The following MPPED2 variants were observed in gnomAD, a reference collection of about 807,000 sequenced individuals.
The protein encoded by MPPED2 is metallophosphoesterase domain containing 2, also known as metallophosphoesterase MPPED2.
Under a neutral mutation model 33.0 loss-of-function variants are expected in MPPED2, and 5 were observed. That is an observed-to-expected ratio of 0.15 (90% CI 0.08 to 0.32). The LOEUF is 0.32. MPPED2 is among the 10% of genes least tolerant of loss of function. MPPED2 has a pLI of 1.00. For missense variants in MPPED2, 275 were observed against 372.1 expected, an observed-to-expected ratio of 0.74 and a Z score of 2.15; for synonymous variants, 136 against 141.9, an observed-to-expected ratio of 0.96 and a Z score of 0.29.
At chr11:30,583,806 G>T (rs950283217) in intron 1 of MPPED2, among the ~76,000 whole-genome samples, 13 of 152,106 alleles carry the variant, frequency 8.5e-5, no homozygotes, top group African/African-American at 3.1e-4. Context: ...AAGAGCCCGC[G>T]GTTTTCTCGT....
chr11:30,438,117 G>A (rs1949403552), intron 4 of MPPED2, among the ~76,000 whole-genome samples: 1 of 152,160 alleles, frequency 6.6e-6, no homozygotes, highest in Admixed American at 6.5e-5. Context: ...ATAAGCGCTA[G>A]GTGTTTATTA....
At chr11:30,411,988 C>A (rs1306639318) in intron 6 of MPPED2, among the ~76,000 whole-genome samples, 3 of 151,604 alleles carry the variant, frequency 2.0e-5, no homozygotes, top group Non-Finnish European at 4.4e-5. Flanking sequence ...GCAAACACAA[C>A]TAAATTCCAA....
At chr11:30,526,599 T>G (rs2134413891) in intron 3 of MPPED2, among the ~76,000 whole-genome samples, 1 of 152,200 alleles carries the variant, frequency 6.6e-6, no homozygotes. Context: ...TAGGAAGAGT[T>G]AATCTTATCT....
chr11:30,543,683 A>G (rs1014013380), intron 2 of MPPED2, among the ~76,000 whole-genome samples: 1 of 152,186 alleles, frequency 6.6e-6, no homozygotes, highest in Admixed American at 6.6e-5. Flanking sequence ...GAGCTTCTAG[A>G]TATATCTATT....
intron 4 of MPPED2, among the ~76,000 whole-genome samples, chr11:30,480,346 T>G (rs530784712): frequency 6.6e-6 from 1 of 152,224 alleles, no homozygotes; most frequent in East Asian, 1.9e-4. Context: ...TTTTCTTTCT[T>G]TTTTTTAAAT....
At chr11:30,539,670 G>A (rs1954996612) in intron 2 of MPPED2, among the ~76,000 whole-genome samples, 1 of 152,112 alleles carries the variant, frequency 6.6e-6, no homozygotes, top group Non-Finnish European at 1.5e-5. Flanking sequence ...ACCCAGGCTG[G>A]AGTGCAGTGG....
At chr11:30,472,456 C>T (rs1347684638) in intron 4 of MPPED2, among the ~76,000 whole-genome samples, 1 of 152,178 alleles carries the variant, frequency 6.6e-6, no homozygotes, top group Non-Finnish European at 1.5e-5. Context: ...CAGAGATTTT[C>T]AACCTGATGC....
intron 4 of MPPED2, among the ~76,000 whole-genome samples, chr11:30,432,752 A>G (rs952422261): frequency 6.6e-6 from 1 of 152,220 alleles, no homozygotes; most frequent in African/African-American, 2.4e-5. Context: ...TTTCTAGGTT[A>G]TCTGCTCACA....
intron 2 of MPPED2, among the ~76,000 whole-genome samples, chr11:30,558,646 T>A (rs1365379551): frequency 6.6e-6 from 1 of 151,866 alleles, no homozygotes. Flanking sequence ...AGTCTCAAAC[T>A]GCTGGCCTCA....
At chr11:30,543,268 GA>G (rs1473259252) in intron 2 of MPPED2, among the ~76,000 whole-genome samples, 2 of 152,194 alleles carry the variant, frequency 1.3e-5, no homozygotes, top group African/African-American at 4.8e-5. Context: ...TCTTCAGAGG[GA>G]CTAGTTCAGT....
At chr11:30,553,564 T>G (rs1379162585) in intron 2 of MPPED2, among the ~76,000 whole-genome samples, 1 of 152,236 alleles carries the variant, frequency 6.6e-6, no homozygotes, top group African/African-American at 2.4e-5. Flanking sequence ...AAGAGCATTT[T>G]TGCACTTCTA....
intron 5 of MPPED2, among the ~76,000 whole-genome samples, chr11:30,416,552 T>C (rs1194673953): frequency 1.3e-5 from 2 of 152,246 alleles, no homozygotes; most frequent in African/African-American, 4.8e-5. Context: ...TAAAGTGTTT[T>C]TTCCCTCTCT....
intron 6 of MPPED2, among the ~76,000 whole-genome samples, chr11:30,389,127 G>A (rs891029406): frequency 2.0e-5 from 3 of 152,092 alleles, no homozygotes; most frequent in Middle Eastern, 3.2e-3. Flanking sequence ...GAGCAATCTT[G>A]GCTTTTAACA....
chr11:30,497,956 T>G (rs774984855), intron 3 of MPPED2, among the ~76,000 whole-genome samples: 9 of 152,190 alleles, frequency 5.9e-5, no homozygotes, highest in Non-Finnish European at 1.3e-4. Context: ...TGACATATTT[T>G]CTTTTTTGCT....
Position 30,523,080 on chromosome 11 carries a change from G to A in MPPED2, c.310+12914C>T, listed in dbSNP as rs149015139. Among the ~76,000 whole-genome samples, 586 of 152,222 alleles carry A rather than the reference G, an allele frequency of 3.8e-3. 3 individuals are homozygous for A. The highest frequency in any genetic ancestry group is 0.011 in the African/African-American group (460 of 41,538). ...ACATGTAATCACTAAGTGACCACAGGGGTCAGGCAGAGTAGAGCCCTGAAG... is the reference window on the plus strand; with the variant it reads ...ACATGTAATCACTAAGTGACCACAGAGGTCAGGCAGAGTAGAGCCCTGAAG... On this transcript the variant is annotated intron_variant, in intron 3 of 6. Transcript: ENST00000358117.
intron 2 of MPPED2, among the ~76,000 whole-genome samples, chr11:30,560,159 T>A (rs1409091681): frequency 6.6e-6 from 1 of 152,186 alleles, no homozygotes; most frequent in Non-Finnish European, 1.5e-5. Context: ...AGTCAGTAAT[T>A]ATTTTTATTG....
chr11:30,557,707 A>C (rs1302999937), intron 2 of MPPED2, among the ~76,000 whole-genome samples: 1 of 152,242 alleles, frequency 6.6e-6, no homozygotes, highest in Non-Finnish European at 1.5e-5. Context: ...TTTATATAGA[A>C]TGATCTGGAT....
chr11:30,411,045 A>G lies in MPPED2; in HGVS notation c.*423T>C. 1 of 986,070 alleles carries G rather than the reference A, an allele frequency of 1.0e-6. No homozygotes were observed. The highest frequency in any genetic ancestry group is 1.2e-6 in the Non-Finnish European group (1 of 830,066). 61.1% of individuals were successfully genotyped at this position (986,070 alleles called of 1,614,324 possible). ...ACCAAGAAAACAACAACAACAAAACATTGAAAATTAAAATATTTCAAACAA... is the reference window on the plus strand; with the variant it reads ...ACCAAGAAAACAACAACAACAAAACGTTGAAAATTAAAATATTTCAAACAA... On this transcript the variant is annotated 3_prime_UTR_variant, in exon 7 of 7. Transcript: ENST00000358117.
intron 4 of MPPED2, among the ~76,000 whole-genome samples, chr11:30,442,693 T>C (rs540917318): frequency 6.6e-6 from 1 of 152,222 alleles, no homozygotes; most frequent in East Asian, 1.9e-4. Context: ...TAGGTATCAG[T>C]TGGGGCTCTT....
Sources: gnomAD v4.1 joint callset for allele counts (sites outside exome capture counted in the v4.1 genomes callset) on GRCh38, gnomAD v4.1.1 for gene constraint, MANE v1.5 for transcripts, NCBI Gene and HGNC (gene_info 2026-07-23, HGNC 2026-07-21) for gene names.